LRFN2: variants seen among roughly 807,000 people sequenced by gnomAD.
The protein encoded by LRFN2 is leucine rich repeat and fibronectin type III domain containing 2, also known as leucine-rich repeat and fibronectin type-III domain-containing protein 2.
LRFN2 carries 18 observed loss-of-function variants against 37.3 expected under a neutral mutation model. The ratio of observed to expected loss-of-function variants is 0.48; its 90% CI spans 0.33 to 0.72. LRFN2 has a LOEUF of 0.72. Ranked by LOEUF, LRFN2 falls within the 30% of genes least tolerant of loss-of-function variation. The probability of loss-of-function intolerance (pLI) is 0.02; values close to 1 mark genes in which losing one functional copy is unlikely to be tolerated. For missense variants in LRFN2, 1,006 were observed against 1,060.7 expected (o/e 0.95, Z 0.72); for synonymous variants, 556 against 466.6 (o/e 1.19, Z -2.47).
intron 1 of LRFN2, among the ~76,000 whole-genome samples, chr6:40,479,629 C>T (rs1581737486): frequency 6.6e-6 from 1 of 152,150 alleles, no homozygotes; most frequent in African/African-American, 2.4e-5. Flanking sequence ...GTGGGTTTTG[C>T]TAAAACAACG....
At chr6:40,542,928 C>T (rs12661593) in intron 1 of LRFN2, among the ~76,000 whole-genome samples, 4,011 of 152,302 alleles carry the variant, frequency 0.026, 88 homozygotes, top group Admixed American at 0.039. Flanking sequence ...GCCAAAGCAC[C>T]CTCTAGACAG....
At chr6:40,578,508 G>C (rs1196216171) in intron 1 of LRFN2, among the ~76,000 whole-genome samples, 1 of 152,178 alleles carries the variant, frequency 6.6e-6, no homozygotes, top group Non-Finnish European at 1.5e-5. Flanking sequence ...CTGACTGCCT[G>C]GTAGGATTGT....
At chr6:40,406,992 C>A (rs1265600702) in intron 2 of LRFN2, among the ~76,000 whole-genome samples, 1 of 152,244 alleles carries the variant, frequency 6.6e-6, no homozygotes, top group Non-Finnish European at 1.5e-5. Flanking sequence ...CACCCCCTCC[C>A]TGGAAGTACA....
chr6:40,543,569 T>C (rs1766596170), intron 1 of LRFN2, among the ~76,000 whole-genome samples: 1 of 152,174 alleles, frequency 6.6e-6, no homozygotes, highest in African/African-American at 2.4e-5. Flanking sequence ...TTCACCATGT[T>C]TATAAATCTC....
intron 1 of LRFN2, among the ~76,000 whole-genome samples, chr6:40,526,964 C>CT (rs1448124023): frequency 1.3e-5 from 2 of 152,112 alleles, no homozygotes; most frequent in African/African-American, 4.8e-5. Flanking sequence ...CTCAAAGGGA[C>CT]TGAGTAGGAC....
chr6:40,462,852 A>G (rs1225358083), intron 1 of LRFN2, among the ~76,000 whole-genome samples: 1 of 152,146 alleles, frequency 6.6e-6, no homozygotes, highest in East Asian at 1.9e-4. Context: ...CCAGGGCCCA[A>G]TGTACCCTTG....
intron 1 of LRFN2, among the ~76,000 whole-genome samples, chr6:40,533,439 G>C (rs949121509): frequency 6.6e-6 from 1 of 151,858 alleles, no homozygotes; most frequent in African/African-American, 2.4e-5. Flanking sequence ...GAAAGAGAGA[G>C]AGGGAAAGAC....
chr6:40,419,257 G>A (rs961112169), intron 2 of LRFN2, among the ~76,000 whole-genome samples: 1 of 152,206 alleles, frequency 6.6e-6, no homozygotes, highest in African/African-American at 2.4e-5. Context: ...CCTGCACCTT[G>A]CCTTTGGGCT....
At chr6:40,416,474 G>C (rs572950511) in intron 2 of LRFN2, among the ~76,000 whole-genome samples, 10 of 152,388 alleles carry the variant, frequency 6.6e-5, no homozygotes, top group Non-Finnish European at 1.2e-4. Flanking sequence ...ACAGAAAGGA[G>C]AGCGTTGGCC....
intron 1 of LRFN2, among the ~76,000 whole-genome samples, chr6:40,507,587 C>A (rs751383676): frequency 6.6e-6 from 1 of 152,156 alleles, no homozygotes; most frequent in Non-Finnish European, 1.5e-5. Flanking sequence ...TAAGGTTGGG[C>A]AGGCCGTTGG....
chr6:40,510,918 G>A (rs985309701), intron 1 of LRFN2, among the ~76,000 whole-genome samples: 5 of 152,176 alleles, frequency 3.3e-5, no homozygotes, highest in Non-Finnish European at 7.3e-5. Context: ...TGCTGGAGGG[G>A]TGGGGGCACT....
At chr6:40,524,861 G>T (rs1443317925) in intron 1 of LRFN2, among the ~76,000 whole-genome samples, 2 of 152,108 alleles carry the variant, frequency 1.3e-5, no homozygotes, top group African/African-American at 4.8e-5. Flanking sequence ...CTGAGTCAGG[G>T]GTCAGTGATT....
chr6:40,423,113 C>A (rs1763267404), intron 2 of LRFN2, among the ~76,000 whole-genome samples: 2 of 152,130 alleles, frequency 1.3e-5, no homozygotes, highest in South Asian at 4.2e-4. Flanking sequence ...TTAGAAGGTG[C>A]CCTGAAAAAC....
chr6:40,480,956 T>G (rs1014528634), intron 1 of LRFN2, among the ~76,000 whole-genome samples: 2 of 152,114 alleles, frequency 1.3e-5, no homozygotes, highest in Non-Finnish European at 2.9e-5. Context: ...CACCTATACA[T>G]CTGGAGGGAA....
rs779512124 is a variant in LRFN2 at position 40,432,199 on chromosome 6, C to T, written c.915G>A (p.Ala305=). The T allele has an allele frequency of 8.7e-6, 14 of 1,613,834 alleles. No homozygotes were observed. Among genetic ancestry groups the T allele is most frequent in the Admixed American group, 1.7e-5 (1 of 60,030 alleles). The part of the protein sequence containing the change: ...THKLLVLEGQ[A]ATLKCKAIGD... ...CAATGGCTTTGCACTTGAGTGTGGCCGCCTGGCCCTCCAGAACCAGCAACT... is the reference window on the plus strand; with the variant it reads ...CAATGGCTTTGCACTTGAGTGTGGCTGCCTGGCCCTCCAGAACCAGCAACT... Residue 305 remains alanine (A), a synonymous_variant, in exon 2 of 3, where the codon GCG becomes GCA. Transcript: ENST00000338305.
chr6:40,417,219 G>A (rs1763113753), intron 2 of LRFN2, among the ~76,000 whole-genome samples: 1 of 152,242 alleles, frequency 6.6e-6, no homozygotes, highest in African/African-American at 2.4e-5. Flanking sequence ...CTCACACGCG[G>A]TGGCATTTTG....
At chr6:40,502,800 C>A (rs1393449970) in intron 1 of LRFN2, among the ~76,000 whole-genome samples, 2 of 152,366 alleles carry the variant, frequency 1.3e-5, no homozygotes, top group East Asian at 3.9e-4. Context: ...ATGGCACCTG[C>A]CCCCATACAG....
intron 1 of LRFN2, among the ~76,000 whole-genome samples, chr6:40,442,518 G>A (rs1258455699): frequency 6.6e-6 from 1 of 152,046 alleles, no homozygotes; most frequent in Non-Finnish European, 1.5e-5. Flanking sequence ...TCTCCCCTCA[G>A]ACTGGGACCC....
intron 1 of LRFN2, among the ~76,000 whole-genome samples, chr6:40,499,355 A>G (rs1010822708): frequency 2.0e-5 from 3 of 151,984 alleles, no homozygotes; most frequent in East Asian, 1.9e-4. Context: ...TTGCTGAGCC[A>G]TTACATTACA....
Sources: allele counts gnomAD v4.1 joint callset (sites outside exome capture counted in the v4.1 genomes callset), GRCh38; gene constraint gnomAD v4.1.1; transcripts MANE v1.5; gene names NCBI Gene and HGNC (gene_info 2026-07-23, HGNC 2026-07-21).